The following FMNL2 variants were observed in gnomAD, a reference collection of about 807,000 sequenced individuals.
The protein encoded by FMNL2 is formin-like protein 2.
A neutral mutation model predicts 130.2 loss-of-function variants in FMNL2; 51 were observed. The ratio of observed to expected loss-of-function variants is 0.39; its 90% CI spans 0.31 to 0.49. The LOEUF (loss-of-function observed/expected upper bound fraction) is 0.49. Among genes scored for constraint, FMNL2 ranks in the 20% least tolerant of loss-of-function variants. The pLI is 0.85. For synonymous variants in FMNL2, 465 were observed against 467.1 expected (o/e 1.00, Z 0.06); for missense variants, 977 against 1,316.2 (o/e 0.74, Z 3.99).
intron 8 of FMNL2, among the ~76,000 whole-genome samples, chr2:152,579,411 G>GT (rs1344143005): frequency 6.6e-6 from 1 of 152,186 alleles, no homozygotes; most frequent in Non-Finnish European, 1.5e-5. Flanking sequence ...AAAAATAATT[G>GT]TAGTGGCCAG....
chr2:152,382,947 C>T (rs1684560851), intron 1 of FMNL2, among the ~76,000 whole-genome samples: 1 of 152,140 alleles, frequency 6.6e-6, no homozygotes, highest in Admixed American at 6.5e-5. Flanking sequence ...ATTGTAGCTG[C>T]CTTAACATAG....
intron 1 of FMNL2, among the ~76,000 whole-genome samples, chr2:152,354,952 C>G (rs1329855405): frequency 6.6e-6 from 1 of 152,150 alleles, no homozygotes; most frequent in African/African-American, 2.4e-5. Context: ...GGTATGAACC[C>G]ATTCTGTCAG....
chr2:152,509,732 T>C (rs1319849101), intron 1 of FMNL2, among the ~76,000 whole-genome samples: 3 of 128,952 alleles, frequency 2.3e-5, no homozygotes, highest in Non-Finnish European at 5.0e-5. Context: ...ATCTGTACTC[T>C]GGACCTTTTT....
In FMNL2 at chr2:152,619,667, C is replaced by G. The variant is rs1195188143; in HGVS notation, c.1786C>G (p.Pro596Ala). The G allele has an allele frequency of 6.2e-7, 1 of 1,612,438 alleles. No individual in the cohort carries two copies. The highest frequency in any genetic ancestry group is 2.2e-5 in the East Asian group (1 of 44,832). ...PLAPPLPSAP[P>A]LPGTSSPTVV... The stretch of plus-strand genomic sequence containing the variant: ...AGCACCTCCCCTTCCCTCTGCACCT[C>G]CGCTGCCTGGAACATCTTCACCCAC... Residue 596 changes from proline (P) to alanine (A), a missense_variant, in exon 15 of 26, where the codon CCG becomes GCG. Coordinates refer to ENST00000288670, the MANE Select transcript of FMNL2 (RefSeq NM_052905.4).
chr2:152,466,621 A>G (rs13424038), intron 1 of FMNL2, among the ~76,000 whole-genome samples: 23,557 of 152,170 alleles, frequency 0.15, 2,043 homozygotes, highest in East Asian at 0.27. Context: ...AAAAATGGCA[A>G]AAGACCATCC....
At chr2:152,390,583 A>T in intron 1 of FMNL2, 1 of 1,352,302 alleles carries the variant, frequency 7.4e-7, no homozygotes, top group Non-Finnish European at 1.1e-6. Flanking sequence ...ATTCTGAAGA[A>T]GTTCATGGAT....
chr2:152,362,712 T>C (rs1258371426), intron 1 of FMNL2, among the ~76,000 whole-genome samples: 5 of 152,176 alleles, frequency 3.3e-5, no homozygotes, highest in Non-Finnish European at 2.9e-5. Flanking sequence ...CTATTTTGAC[T>C]TAAGGAGACC....
intron 13 of FMNL2, among the ~76,000 whole-genome samples, chr2:152,617,812 G>A (rs1299105222): frequency 6.6e-6 from 1 of 152,196 alleles, no homozygotes; most frequent in Non-Finnish European, 1.5e-5. Flanking sequence ...ACACCAAAAT[G>A]CCTGGAGAGC....
intron 18 of FMNL2, among the ~76,000 whole-genome samples, chr2:152,628,962 A>G (rs1245794815): frequency 6.6e-6 from 1 of 152,184 alleles, no homozygotes; most frequent in Non-Finnish European, 1.5e-5. Flanking sequence ...TGAAAGCTTT[A>G]TATTTACCAT....
chr2:152,441,949 G>A (rs1474389877), intron 1 of FMNL2, among the ~76,000 whole-genome samples: 1 of 152,110 alleles, frequency 6.6e-6, no homozygotes, highest in Non-Finnish European at 1.5e-5. Flanking sequence ...TATTGAGAGT[G>A]GGAGTTCCTA....
intron 10 of FMNL2, among the ~76,000 whole-genome samples, chr2:152,607,919 T>C (rs1478354576): frequency 6.6e-6 from 1 of 152,108 alleles, no homozygotes; most frequent in African/African-American, 2.4e-5. Flanking sequence ...CCTGCTTTGG[T>C]AATTCTGTGA....
At chr2:152,400,556 CAA>C (rs1685637916) in intron 1 of FMNL2, among the ~76,000 whole-genome samples, 1 of 152,216 alleles carries the variant, frequency 6.6e-6, no homozygotes, top group South Asian at 2.1e-4. Flanking sequence ...GAAGATGCTG[CAA>C]AGAGTATGGA....
At chr2:152,601,040 G>T (rs932728360) in intron 9 of FMNL2, among the ~76,000 whole-genome samples, 5 of 152,120 alleles carry the variant, frequency 3.3e-5, no homozygotes, top group Admixed American at 2.6e-4. Flanking sequence ...CTGAGGGAGA[G>T]AATTTTTTTC....
intron 1 of FMNL2, among the ~76,000 whole-genome samples, chr2:152,404,822 CAT>C (rs1442812951): frequency 6.6e-6 from 1 of 152,110 alleles, no homozygotes; most frequent in Non-Finnish European, 1.5e-5. Flanking sequence ...GAGCTGGTCA[CAT>C]GTGGCATTTT....
chr2:152,559,051 C>A (rs928743303), intron 5 of FMNL2, among the ~76,000 whole-genome samples: 1 of 152,134 alleles, frequency 6.6e-6, no homozygotes, highest in African/African-American at 2.4e-5. Context: ...CTTAAAGGAG[C>A]CCTTATTTTC....
intron 1 of FMNL2, among the ~76,000 whole-genome samples, chr2:152,436,958 A>T (rs942883352): frequency 1.3e-5 from 2 of 152,144 alleles, no homozygotes; most frequent in Non-Finnish European, 2.9e-5. Flanking sequence ...TCAACAACAC[A>T]TTTCTCACAG....
At chr2:152,568,050 A>G (rs1307057178) in intron 6 of FMNL2, among the ~76,000 whole-genome samples, 3 of 152,150 alleles carry the variant, frequency 2.0e-5, no homozygotes, top group South Asian at 2.1e-4. Context: ...CTGCGGTATT[A>G]TGTAGTCTGG....
At chr2:152,388,619 T>C (rs1401054525) in intron 1 of FMNL2, among the ~76,000 whole-genome samples, 2 of 152,270 alleles carry the variant, frequency 1.3e-5, no homozygotes, top group Middle Eastern at 3.4e-3. Flanking sequence ...ATATCAACCA[T>C]ATTCTGCCTA....
At chr2:152,398,708 C>T (rs1685528344) in intron 1 of FMNL2, among the ~76,000 whole-genome samples, 1 of 152,168 alleles carries the variant, frequency 6.6e-6, no homozygotes, top group African/African-American at 2.4e-5. Flanking sequence ...ACCATTATCT[C>T]CAGTTTATTG....
Sources: gnomAD v4.1 joint callset for allele counts (sites outside exome capture counted in the v4.1 genomes callset) on GRCh38, gnomAD v4.1.1 for gene constraint, MANE v1.5 for transcripts, NCBI Gene and HGNC (gene_info 2026-07-23, HGNC 2026-07-21) for gene names.